Variants in LSAMP observed in about 807,000 individuals in gnomAD.
The protein encoded by LSAMP is limbic system-associated membrane protein.
A neutral mutation model predicts 38.6 loss-of-function variants in LSAMP; 7 were observed. The ratio of observed to expected loss-of-function variants is 0.18; its 90% CI spans 0.10 to 0.34. The LOEUF is 0.34. Among genes scored for constraint, LSAMP ranks in the 10% least tolerant of loss-of-function variants. The pLI is 1.00. For missense variants in LSAMP, 313 were observed against 420.0 expected, an observed-to-expected ratio of 0.75 and a Z score of 2.23; for synonymous variants, 154 against 166.8, an observed-to-expected ratio of 0.92 and a Z score of 0.59.
chr3:116,001,972 C>T (rs1162605389), intron 3 of LSAMP, among the ~76,000 whole-genome samples: 2 of 152,152 alleles, frequency 1.3e-5, no homozygotes, highest in Admixed American at 6.5e-5. Context: ...CTGTCTATCA[C>T]CCTCCTCTTA....
At chr3:116,180,554 A>G (rs1013014505) in intron 1 of LSAMP, among the ~76,000 whole-genome samples, 3 of 152,174 alleles carry the variant, frequency 2.0e-5, no homozygotes, top group Non-Finnish European at 2.9e-5. Context: ...AGGTCACACA[A>G]TTCTTCTTAT....
chr3:116,318,155 A>AT (rs1553724299), intron 1 of LSAMP, among the ~76,000 whole-genome samples: 7 of 148,604 alleles, frequency 4.7e-5, no homozygotes, highest in South Asian at 2.1e-4. Context: ...AAAAAAAAAA[A>AT]TTTTAGTAAT....
chr3:116,339,188 G>T (rs2047960817), intron 1 of LSAMP, among the ~76,000 whole-genome samples: 2 of 151,990 alleles, frequency 1.3e-5, no homozygotes, highest in South Asian at 4.1e-4. Context: ...GTAGAGAGTG[G>T]TGTAAGTAAA....
Position 116,273,707 on chromosome 3 carries a change from T to TACAC in LSAMP, c.155+171166_155+171169dup, listed in dbSNP as rs10530643. On this transcript the variant is annotated intron_variant, in intron 1 of 6. Transcript: ENST00000490035. ...GCATATATATATATATATATATATA[T>TACAC]ACACACACACACACACGTATATATG... Among the ~76,000 whole-genome samples, 271 of 102,514 alleles carry TACAC rather than the reference T, an allele frequency of 2.6e-3. 8 individuals are homozygous for TACAC. The highest frequency in any genetic ancestry group is 5.0e-3 in the African/African-American group (106 of 21,216). The allele number at this position is 102,514 out of a possible 152,430, so 67.3% of individuals were successfully genotyped here.
chr3:115,858,611 A>G (rs1225349583), intron 3 of LSAMP, among the ~76,000 whole-genome samples: 1 of 152,186 alleles, frequency 6.6e-6, no homozygotes, highest in Admixed American at 6.5e-5. Flanking sequence ...TTACTCACCT[A>G]CGTTTGAATA....
chr3:116,041,819 A>AAAAAAAAAAAC (rs1941180581), intron 2 of LSAMP, among the ~76,000 whole-genome samples: 2 of 145,648 alleles, frequency 1.4e-5, no homozygotes, highest in Non-Finnish European at 1.5e-5. Context: ...AACAAAACAA[A>AAAAAAAAAAAC]AAAAAAACAC....
intron 6 of LSAMP, among the ~76,000 whole-genome samples, chr3:115,839,282 C>CT (rs1934914216): frequency 7.6e-6 from 1 of 131,878 alleles, no homozygotes; most frequent in South Asian, 2.5e-4. Flanking sequence ...TCCTTCCTTC[C>CT]TTCCTTCCTT....
chr3:116,404,108 A>C (rs190798566), intron 1 of LSAMP, among the ~76,000 whole-genome samples: 25 of 152,232 alleles, frequency 1.6e-4, no homozygotes, highest in Non-Finnish European at 3.5e-4. Context: ...TTCATAAAGA[A>C]ATCAGAAAAT....
At chr3:115,914,070 C>T (rs555970827) in intron 3 of LSAMP, among the ~76,000 whole-genome samples, 1 of 152,236 alleles carries the variant, frequency 6.6e-6, no homozygotes, top group African/African-American at 2.4e-5. Flanking sequence ...ATAAGATAAT[C>T]ATAGGACTGT....
chr3:115,935,031 TAAAC>T (rs985250144), intron 3 of LSAMP, among the ~76,000 whole-genome samples: 12 of 146,584 alleles, frequency 8.2e-5, no homozygotes, highest in East Asian at 2.0e-4. Context: ...AGACCTAATA[TAAAC>T]AAACAAACAA....
chr3:116,121,885 A>AT (rs57411929), intron 1 of LSAMP, among the ~76,000 whole-genome samples: 34,459 of 136,664 alleles, frequency 0.25, 4,820 homozygotes, highest in Non-Finnish European at 0.32. Context: ...TTTTTTTGTG[A>AT]TTTTTTTTTT....
chr3:115,955,227 C>A (rs1382830375), intron 3 of LSAMP, among the ~76,000 whole-genome samples: 1 of 152,146 alleles, frequency 6.6e-6, no homozygotes, highest in East Asian at 1.9e-4. Flanking sequence ...AGCCACCGCG[C>A]CTGGCCATGT....
intron 3 of LSAMP, among the ~76,000 whole-genome samples, chr3:115,877,573 C>T (rs1011287134): frequency 2.7e-5 from 4 of 149,138 alleles, no homozygotes; most frequent in East Asian, 3.9e-4. Flanking sequence ...ATCAAGAGCA[C>T]GGGCCCAGAG....
intron 2 of LSAMP, among the ~76,000 whole-genome samples, chr3:116,047,864 C>T (rs1941323127): frequency 6.6e-6 from 1 of 152,164 alleles, no homozygotes; most frequent in Admixed American, 6.5e-5. Context: ...AAATGCATCA[C>T]CTCACATAGT....
At chr3:115,889,609 G>A (rs536946900) in intron 3 of LSAMP, among the ~76,000 whole-genome samples, 20 of 152,024 alleles carry the variant, frequency 1.3e-4, no homozygotes, top group African/African-American at 4.8e-4. Context: ...GGAGAAGATG[G>A]CATTGGAGTA....
At chr3:116,391,286 C>T (rs1208682107) in intron 1 of LSAMP, among the ~76,000 whole-genome samples, 1 of 151,804 alleles carries the variant, frequency 6.6e-6, no homozygotes. Flanking sequence ...GGTGGGACCC[C>T]TGTGCCCCGC....
chr3:116,353,584 A>G (rs1004431204), intron 1 of LSAMP, among the ~76,000 whole-genome samples: 2 of 152,068 alleles, frequency 1.3e-5, no homozygotes, highest in African/African-American at 4.8e-5. Context: ...TCTGTACCGA[A>G]TTGAAATGTT....
intron 3 of LSAMP, among the ~76,000 whole-genome samples, chr3:115,898,598 C>CATATATAT (rs10527269): frequency 4.4e-4 from 62 of 142,048 alleles, no homozygotes; most frequent in African/African-American, 8.0e-4. Flanking sequence ...CATGAAGATG[C>CATATATAT]ATATATATAT....
chr3:116,248,175 A>C (rs1039138277), intron 1 of LSAMP, among the ~76,000 whole-genome samples: 2 of 152,194 alleles, frequency 1.3e-5, no homozygotes, highest in African/African-American at 2.4e-5. Flanking sequence ...AGATTTATGC[A>C]CAGGTAACTA....
Sources: gnomAD v4.1 joint callset for allele counts (sites outside exome capture counted in the v4.1 genomes callset) on GRCh38, gnomAD v4.1.1 for gene constraint, MANE v1.5 for transcripts, NCBI Gene and HGNC (gene_info 2026-07-23, HGNC 2026-07-21) for gene names.